The following PLIN4 variants were observed in gnomAD, a reference collection of about 807,000 sequenced individuals.
The protein encoded by PLIN4 is perilipin-4.
A neutral mutation model predicts 52.4 loss-of-function variants in PLIN4; 57 were observed. The observed-to-expected ratio is 1.09, with a 90% confidence interval of 0.88 to 1.36. The LOEUF (loss-of-function observed/expected upper bound fraction) is 1.36. Among genes scored for constraint, PLIN4 ranks in the 40% most tolerant of loss-of-function variants. PLIN4 has a pLI of 0.00. For missense variants in PLIN4, 1,757 were observed against 1,770.3 expected, an observed-to-expected ratio of 0.99 and a Z score of 0.13; for synonymous variants, 826 against 785.4, an observed-to-expected ratio of 1.05 and a Z score of -0.86.
At chr19:4,515,709 C>T (rs918780130) in intron 4 of PLIN4, among the ~76,000 whole-genome samples, 3 of 152,256 alleles carry the variant, frequency 2.0e-5, no homozygotes, top group East Asian at 1.9e-4. Flanking sequence ...GGATGCTGCT[C>T]GGCACCCTGC....
Position 4,508,904 on chromosome 19 carries a change from C to A in PLIN4, c.3566G>T (p.Gly1189Val). 1.2e-6 allele frequency: 2 copies of A among 1,613,074 alleles called. No individual in the cohort carries two copies. Residue 1189 changes from glycine (G) to valine (V), a missense_variant, in exon 6 of 8, where the codon GGG (glycine) becomes GTG (valine). Physicochemically the swap from Gly to Val is moderately radical, Grantham distance 109. This residue lies in a region of PLIN4 where 712 missense variants were observed against 637.1 expected (regional missense o/e 1.12). Coordinates refer to ENST00000301286, the MANE Select transcript of PLIN4 (RefSeq NM_001367868.2). The stretch of plus-strand genomic sequence containing the variant: ...GTCACCTAAACGAACGAAGTAGCTC[C>A]CCTGTTCCGCCGACAGCACCTTTGG... ...PGPKVLSAEQ[G>V]SYFVRLGDLG...
At chr19:4,517,528 C>T (rs773253499) in intron 3 of PLIN4, 26 bp downstream of exon 3, 47 of 1,593,378 alleles carry the variant, frequency 2.9e-5, no homozygotes, top group East Asian at 9.0e-5. Flanking sequence ...AGTCCCCCCA[C>T]GCCCCCAGCT....
chr19:4,504,427 C>G lies in PLIN4; in HGVS notation c.*32G>C. The G allele has an allele frequency of 6.7e-7, 1 of 1,488,720 alleles. No homozygotes were observed. Among genetic ancestry groups the G allele is most frequent in the Non-Finnish European group, 8.9e-7 (1 of 1,118,150 alleles). The allele number at this position is 1,488,720 out of a possible 1,614,324, so 92.2% of individuals were successfully genotyped here. A position where few individuals can be genotyped will look rare whatever the true frequency, so the allele number is the denominator to read the frequency against. ...CAGCTCCTCCCTGGACAGAGCAGGG[C>G]GACCCCGCGCCGGGCCTGCAGGCTC... On this transcript the variant is annotated 3_prime_UTR_variant, in exon 8 of 8. Transcript: ENST00000301286.
intron 4 of PLIN4, 78 bp from the exon 5 acceptor site, chr19:4,513,779 C>A: frequency 6.8e-7 from 1 of 1,474,026 alleles, no homozygotes; most frequent in South Asian, 1.4e-5. Flanking sequence ...AGCCCAGCCC[C>A]CTAGTGTGCT....
intron 5 of PLIN4, among the ~76,000 whole-genome samples, chr19:4,509,690 A>G (rs1273743736): frequency 6.6e-6 from 1 of 152,114 alleles, no homozygotes; most frequent in Non-Finnish European, 1.5e-5. Context: ...CTGTAATCCC[A>G]GCACTTTGGG....
Position 4,509,512 on chromosome 19 carries a change from C to T in PLIN4, c.3515-557G>A, listed in dbSNP as rs975495883. Among the ~76,000 whole-genome samples, 7 of 151,694 alleles carry T rather than the reference C, an allele frequency of 4.6e-5. 1 individual carries two copies. In the South Asian group the frequency reaches 1.3e-3, roughly 27 times the overall value. Reference sequence around the variant, plus strand: ...TGGTGGCGGGCGCCTATAATCGCAGCTACTCGGGAGGCTGAGCAGGAGAAT... The same window carrying T: ...TGGTGGCGGGCGCCTATAATCGCAGTTACTCGGGAGGCTGAGCAGGAGAAT... On this transcript the variant is annotated intron_variant, in intron 5 of 7. Transcript: ENST00000301286.
At position 4,510,429 on chromosome 19, in the gene PLIN4, C is replaced by T; in HGVS notation, c.3514+17G>A. 2 of 1,397,976 alleles carry T rather than the reference C, an allele frequency of 1.4e-6. No homozygotes were observed. Among genetic ancestry groups the T allele is most frequent in the Non-Finnish European group, 1.9e-6 (2 of 1,071,538 alleles). 86.6% of individuals were successfully genotyped at this position (1,397,976 alleles called of 1,614,324 possible). A position where few individuals can be genotyped will look rare whatever the true frequency, so the allele number is the denominator to read the frequency against. ...TGTGCCTGCCTCAGGGACCCATGAACCCAGGCGTCCCCTCACCTTGCTCCT... is the reference window on the plus strand; with the variant it reads ...TGTGCCTGCCTCAGGGACCCATGAATCCAGGCGTCCCCTCACCTTGCTCCT... On this transcript the variant is annotated intron_variant, in intron 5 of 7. Coordinates refer to ENST00000301286, the MANE Select transcript of PLIN4 (RefSeq NM_001367868.2).
intron 4 of PLIN4, among the ~76,000 whole-genome samples, chr19:4,514,312 G>A (rs1033176564): frequency 2.0e-5 from 3 of 151,990 alleles, no homozygotes; most frequent in African/African-American, 2.4e-5. Context: ...CTGGCTGGGC[G>A]GGGGGCACAC....
At position 4,511,107 on chromosome 19, in the gene PLIN4, GTCCACA is replaced by G. The variant is rs776294698; in HGVS notation, c.2847_2852del (p.Val950_Asp951del). Reference sequence around the variant, plus strand: ...CGCCACTCAGCACCGTCTTGGCTGTGTCCACACCTGTCTGGACGGTCCCTTTGGCCA... The same window carrying G: ...CGCCACTCAGCACCGTCTTGGCTGTGCCTGTCTGGACGGTCCCTTTGGCCA... On this transcript the variant is annotated inframe_deletion, in exon 5 of 8. Coordinates refer to ENST00000301286, the MANE Select transcript of PLIN4 (RefSeq NM_001367868.2). 1 of 1,610,880 alleles carries G rather than the reference GTCCACA, an allele frequency of 6.2e-7. No homozygotes were observed. Among genetic ancestry groups the G allele is most frequent in the Non-Finnish European group, 8.5e-7 (1 of 1,177,900 alleles).
In PLIN4 at chr19:4,511,104, T is replaced by C. The variant is rs1282273301; in HGVS notation, c.2856A>G (p.Thr952=). ...TAGCGCCACTCAGCACCGTCTTGGC[T>C]GTGTCCACACCTGTCTGGACGGTCC... ...AKGTVQTGVD[T]AKTVLSGAKD... Residue 952 remains threonine (T), a synonymous_variant, in exon 5 of 8, where the codon ACA becomes ACG. Coordinates refer to ENST00000301286, the MANE Select transcript of PLIN4 (RefSeq NM_001367868.2). 1 of 1,610,608 alleles carries C rather than the reference T, an allele frequency of 6.2e-7. No individual in the cohort carries two copies. The highest frequency in any genetic ancestry group is 1.3e-5 in the African/African-American group (1 of 74,892).
chr19:4,506,594 CAT>C (rs1487006926), intron 6 of PLIN4, among the ~76,000 whole-genome samples: 52 of 152,280 alleles, frequency 3.4e-4, no homozygotes, highest in South Asian at 1.7e-3. Flanking sequence ...ACAAGTGAGA[CAT>C]GATGAGTCAC....
Position 4,508,853 on chromosome 19 carries a change from G to A in PLIN4, c.3617C>T (p.Ala1206Val). 1 of 1,611,512 alleles carries A rather than the reference G, an allele frequency of 6.2e-7. No homozygotes were observed. The change falls in exon 6 of 8, where the codon GCA becomes GTA. Residue 1206 changes from alanine (A) to valine (V), a missense_variant. Ala to Val is a moderately conservative substitution (Grantham distance 64). Around this residue, in one of 7 missense-constraint regions of PLIN4, gnomAD observed 712 missense variants for 637.1 expected, o/e 1.12. Transcript: ENST00000301286. ...GDLGPSFRQR[A>V]FEHAVSHLQH... The stretch of plus-strand genomic sequence containing the variant: ...CAGGTGGCTCACCGCGTGTTCAAAT[G>A]CCCGCTGGCGGAAGCTGGGACCCAG...
Position 4,504,857 on chromosome 19 carries a change from C to G in PLIN4, c.3789+4G>C, listed in dbSNP as rs1441149758. 1.2e-6 allele frequency: 2 copies of G among 1,605,242 alleles called. No homozygotes were observed. Among genetic ancestry groups the G allele is most frequent in the African/African-American group, 2.7e-5 (2 of 74,804 alleles). On this transcript the variant is annotated splice_donor_region_variant and intron_variant, in intron 7 of 7. Transcript: ENST00000301286. The stretch of plus-strand genomic sequence containing the variant: ...GGGGGACCCTAGCCCTGTGCCAGAC[C>G]CACCTCCTGGACAGCAGCGTCCTCC...
rs141812531 is a variant in PLIN4, at chr19:4,513,975, G to A, written c.259-274C>T. Reference sequence around the variant, plus strand: ...TCCATTCTCACGCACCCCCTTTCCCGGCTGCAGGCAGGCCTCGTCCATGAC... The same window carrying A: ...TCCATTCTCACGCACCCCCTTTCCCAGCTGCAGGCAGGCCTCGTCCATGAC... On this transcript the variant is annotated intron_variant, in intron 4 of 7. Transcript: ENST00000301286. Among the ~76,000 whole-genome samples, 35 of 152,260 alleles carry A rather than the reference G, an allele frequency of 2.3e-4. No homozygotes were observed. In the Middle Eastern group the frequency reaches 0.014, roughly 59 times the overall value.
chr19:4,504,874 G>A lies in PLIN4; in HGVS notation c.3776C>T (p.Ala1259Val), dbSNP rs1410255641. The A allele has an allele frequency of 6.2e-7, 1 of 1,606,496 alleles. No individual in the cohort carries two copies. The highest frequency in any genetic ancestry group is 8.5e-7 in the Non-Finnish European group (1 of 1,177,334). Residue 1259 changes from alanine (A) to valine (V), a missense_variant, in exon 7 of 8, where the codon GCT becomes GTT. Around this residue, in one of 7 missense-constraint regions of PLIN4, gnomAD observed 712 missense variants for 637.1 expected, o/e 1.12. Coordinates refer to ENST00000301286, the MANE Select transcript of PLIN4 (RefSeq NM_001367868.2). Reference sequence around the variant, plus strand: ...TGCCAGACCCACCTCCTGGACAGCAGCGTCCTCCGCACTGGCACCTGAGCC... The same window carrying A: ...TGCCAGACCCACCTCCTGGACAGCAACGTCCTCCGCACTGGCACCTGAGCC... ...DQGSGASAED[A>V]AVQEERDAGV...
At chr19:4,510,289 C>T (rs1385080624) in intron 5 of PLIN4, among the ~76,000 whole-genome samples, 157 bp downstream of exon 5, 1 of 151,810 alleles carries the variant, frequency 6.6e-6, no homozygotes, top group Non-Finnish European at 1.5e-5. Flanking sequence ...TGGCGTGAAC[C>T]CGGGAGGCGG....
chr19:4,512,300 G>A lies in PLIN4; in HGVS notation c.1660C>T (p.Leu554=). 11 of 1,606,578 alleles carry A rather than the reference G, an allele frequency of 6.8e-6. No homozygotes were observed. Among genetic ancestry groups the A allele is most frequent in the Non-Finnish European group, 9.3e-6 (11 of 1,177,860 alleles). ...NVAKGAVQGG[L]DTTKSVVIGT... Reference sequence around the variant, plus strand: ...ATGACCACAGACTTGGTGGTGTCCAGGCCCCCCTGGACGGCCCCTTTGGCC... The same window carrying A: ...ATGACCACAGACTTGGTGGTGTCCAAGCCCCCCTGGACGGCCCCTTTGGCC... Residue 554 remains leucine, a synonymous_variant, in exon 5 of 8, where the codon CTG becomes TTG. Transcript: ENST00000301286.
intron 6 of PLIN4, among the ~76,000 whole-genome samples, chr19:4,507,397 C>G (rs1431245838): frequency 6.6e-6 from 1 of 152,146 alleles, no homozygotes; most frequent in Non-Finnish European, 1.5e-5. Flanking sequence ...CATAGGGAGG[C>G]CCCATCTCTA....
chr19:4,517,638 T>G lies in PLIN4; in HGVS notation c.112A>C (p.Asn38His). ...CGGGCTCTCGCCGAGCTATGTGCGT[T>G]GGCCACCAGGTTCCGGGCAGAGCTG... ...GFSSARNLVA[N>H]AHSSARARPA... is the part of the protein sequence containing the mutation. Residue 38 changes from asparagine (N) to histidine (H), a missense_variant, in exon 3 of 8, where the codon AAC becomes CAC. Transcript: ENST00000301286. 1 of 1,609,236 alleles carries G rather than the reference T, an allele frequency of 6.2e-7. No homozygotes were observed. Among genetic ancestry groups the G allele is most frequent in the Non-Finnish European group, 8.5e-7 (1 of 1,178,522 alleles).
Sources: gnomAD v4.1 joint callset for allele counts (sites outside exome capture counted in the v4.1 genomes callset) on GRCh38, gnomAD v4.1.1 for gene constraint, gnomAD v4.1.1 regional missense constraint, MANE v1.5 for transcripts, NCBI Gene and HGNC (gene_info 2026-07-23, HGNC 2026-07-21) for gene names.